CELF2: variants seen among roughly 807,000 people sequenced by gnomAD.
The protein encoded by CELF2 is CUG triplet repeat RNA-binding protein 2.
CELF2 carries 8 observed loss-of-function variants against 62.6 expected under a neutral mutation model. The observed-to-expected ratio is 0.13, with a 90% CI of 0.07 to 0.23. The LOEUF (loss-of-function observed/expected upper bound fraction) is 0.23. Among genes scored for constraint, CELF2 ranks in the 10% least tolerant of loss-of-function variants. CELF2 has a pLI of 1.00. For missense variants in CELF2, 333 were observed against 671.0 expected (o/e 0.50, Z 5.56); for synonymous variants, 258 against 250.0 (o/e 1.03, Z -0.30).
At chr10:10,926,566 TTCA>T (rs2065480011) in intron 2 of CELF2, among the ~76,000 whole-genome samples, 1 of 152,184 alleles carries the variant, frequency 6.6e-6, no homozygotes. Flanking sequence ...GTCTGCCATC[TTCA>T]TCATGTTGAT....
chr10:10,613,316 A>C, the CELF2 span, among the ~76,000 whole-genome samples: 7 of 152,322 alleles, frequency 4.6e-5, no homozygotes, highest in East Asian at 1.4e-3. Flanking sequence ...GAGAGAGTTT[A>C]AAATGGGTAT....
chr10:11,265,771 A>G (rs1047867982), intron 5 of CELF2, among the ~76,000 whole-genome samples: 1 of 152,248 alleles, frequency 6.6e-6, no homozygotes, highest in South Asian at 2.1e-4. Flanking sequence ...AGGCACGGAA[A>G]GTTTCACTGG....
chr10:11,121,608 C>G (rs971961185), intron 1 of CELF2, among the ~76,000 whole-genome samples: 6 of 152,132 alleles, frequency 3.9e-5, no homozygotes, highest in Non-Finnish European at 5.9e-5. Flanking sequence ...AATAGCGACG[C>G]AGACGTTAGT....
chr10:10,537,572 G>A, the CELF2 span, among the ~76,000 whole-genome samples: 1 of 152,214 alleles, frequency 6.6e-6, no homozygotes, highest in Admixed American at 6.5e-5. Flanking sequence ...TAACGACCTG[G>A]AGGCTTGCTT....
chr10:10,713,411 GCTGA>G, the CELF2 span, among the ~76,000 whole-genome samples: 2 of 152,272 alleles, frequency 1.3e-5, no homozygotes, highest in South Asian at 4.1e-4. Flanking sequence ...AACACTTGGG[GCTGA>G]CTATCTAGAT....
At chr10:11,218,899 A>G (rs185816587) in intron 3 of CELF2, among the ~76,000 whole-genome samples, 5 of 152,382 alleles carry the variant, frequency 3.3e-5, no homozygotes, top group Admixed American at 3.3e-4. Flanking sequence ...TGTGGAATGA[A>G]CAAGCCAAGG....
the CELF2 span, among the ~76,000 whole-genome samples, chr10:10,695,504 G>A: frequency 2.4e-3 from 359 of 151,102 alleles, no homozygotes; most frequent in African/African-American, 7.9e-3. Context: ...CTCTTCTCGA[G>A]GAGTATCTTT....
intron 1 of CELF2, among the ~76,000 whole-genome samples, chr10:11,057,078 C>G (rs2065429770): frequency 6.6e-6 from 1 of 152,204 alleles, no homozygotes; most frequent in Non-Finnish European, 1.5e-5. Context: ...GCAGCCGTGC[C>G]TGGAGGCCCT....
the CELF2 span, among the ~76,000 whole-genome samples, chr10:10,588,221 T>C: frequency 6.6e-6 from 1 of 152,130 alleles, no homozygotes; most frequent in Non-Finnish European, 1.5e-5. Context: ...TGAGACACCC[T>C]GGTGTCTTCA....
intron 1 of CELF2, among the ~76,000 whole-genome samples, chr10:11,054,151 C>T (rs1427776590): frequency 6.6e-6 from 1 of 152,198 alleles, no homozygotes; most frequent in Non-Finnish European, 1.5e-5. Context: ...AGTAAAAAGC[C>T]TGGCATATAG....
At chr10:10,889,009 G>A (rs2061954764) in intron 1 of CELF2, among the ~76,000 whole-genome samples, 1 of 152,166 alleles carries the variant, frequency 6.6e-6, no homozygotes, top group East Asian at 1.9e-4. Context: ...TGTGCCCAGA[G>A]AAGGGACACC....
rs904415034 is a variant in CELF2 at position 10,928,461 on chromosome 10, A to C, written c.89+8462A>C. Among the ~76,000 whole-genome samples, 2 of 152,198 alleles carry C rather than the reference A, an allele frequency of 1.3e-5. No homozygotes were observed. Among genetic ancestry groups the C allele is most frequent in the Non-Finnish European group, 2.9e-5 (2 of 68,040 alleles). ...CCGGATTTTGCAAACTACAGCCCAC[A>C]GACGAAATCTAGATAGTGGCCTGTG... On this transcript the variant is annotated intron_variant, in intron 2 of 13. Transcript: ENST00000636488. The surrounding 1 kb of genome is among the most constrained non-coding windows in gnomAD (Gnocchi z 4.8).
chr10:10,797,041 T>C (rs1248173788), upstream of CELF2: 3 of 259,794 alleles, frequency 1.2e-5, no homozygotes, highest in Non-Finnish European at 1.8e-5. Context: ...TATGTTAAGA[T>C]CCACGGGTCC....
At chr10:10,625,865 A>G in the CELF2 span, among the ~76,000 whole-genome samples, 1 of 151,690 alleles carries the variant, frequency 6.6e-6, no homozygotes, top group Non-Finnish European at 1.5e-5. Flanking sequence ...CATTATCTTC[A>G]GTATGTTTCT....
At chr10:10,895,216 C>T (rs988950529) in intron 1 of CELF2, among the ~76,000 whole-genome samples, 1 of 152,126 alleles carries the variant, frequency 6.6e-6, no homozygotes, top group Admixed American at 6.5e-5. Flanking sequence ...ATTGACTTAC[C>T]CCATAAAGAT....
intron 9 of CELF2, among the ~76,000 whole-genome samples, chr10:11,299,549 T>TCCC (rs2093517072): frequency 6.6e-6 from 1 of 152,084 alleles, no homozygotes; most frequent in African/African-American, 2.4e-5. Flanking sequence ...GTCCTTGCCC[T>TCCC]TTCTCTTCAG....
intron 8 of CELF2, among the ~76,000 whole-genome samples, chr10:11,283,920 T>G (rs200938492): frequency 1.6e-4 from 4 of 24,904 alleles, no homozygotes; most frequent in South Asian, 1.4e-3. Context: ...GGTAGGTGGA[T>G]GATGGATGAG....
At chr10:10,906,123 G>A (rs987931359) in intron 1 of CELF2, among the ~76,000 whole-genome samples, 6 of 151,482 alleles carry the variant, frequency 4.0e-5, no homozygotes, top group Admixed American at 1.3e-4. Context: ...GATCTTAAAA[G>A]ATGATCTGTC....
chr10:10,576,330 C>T, the CELF2 span, among the ~76,000 whole-genome samples: 1 of 151,904 alleles, frequency 6.6e-6, no homozygotes, highest in Non-Finnish European at 1.5e-5. Context: ...TTTTGGAGTC[C>T]TTTTTTTTAA....
Sources: allele counts gnomAD v4.1 joint callset (sites outside exome capture counted in the v4.1 genomes callset), GRCh38; gene constraint gnomAD v4.1.1; non-coding constraint Gnocchi (gnomAD v3.1); transcripts MANE v1.5; gene names NCBI Gene and HGNC (gene_info 2026-07-23, HGNC 2026-07-21).